Variants in URB1 observed in about 807,000 individuals in gnomAD.
URB1 encodes URB1 ribosome biogenesis factor.
A neutral mutation model predicts 242.3 loss-of-function variants in URB1; 197 were observed. The ratio of observed to expected loss-of-function variants is 0.81; its 90% CI spans 0.72 to 0.91. The LOEUF is 0.91. URB1 is among the 40% of genes least tolerant of loss of function. The pLI, the probability that URB1 is intolerant of heterozygous loss-of-function variation, is 0.00. For synonymous variants in URB1, 1,153 were observed against 1,201.8 expected (o/e 0.96, Z 0.84); for missense variants, 2,721 against 2,860.5 (o/e 0.95, Z 1.11).
At position 32,311,977 on chromosome 21, in the gene URB1, CCT is replaced by C. The variant is rs1189165562; in HGVS notation, c.*2939_*2940del. 6.2e-7 allele frequency: 1 copy of C among 1,613,234 alleles called. No homozygotes were observed. Among genetic ancestry groups the C allele is most frequent in the African/African-American group, 1.3e-5 (1 of 74,940 alleles). ...AGCGAGCCTCCCCCTGGAGACAGGA[CCT>C]CTCAATTGCAGAGCTGATGTCAGTA... On this transcript the variant is annotated 3_prime_UTR_variant, in exon 39 of 39. Transcript: ENST00000382751.
intron 15 of URB1, 22 bp from the exon 16 acceptor site, chr21:32,355,587 T>TG (rs1291421323): frequency 1.3e-6 from 2 of 1,538,024 alleles, no homozygotes; most frequent in Admixed American, 3.9e-5. Context: ...TAGGCACCGG[T>TG]GAAAAAGTCA....
chr21:32,355,986 G>T (rs2033216063), intron 15 of URB1, among the ~76,000 whole-genome samples: 1 of 152,170 alleles, frequency 6.6e-6, no homozygotes, highest in South Asian at 2.1e-4. Flanking sequence ...AGCACGCAGG[G>T]GGTGAAAGTT....
intron 1 of URB1, among the ~76,000 whole-genome samples, chr21:32,392,556 C>A (rs1001624336): frequency 3.9e-5 from 6 of 152,326 alleles, no homozygotes; most frequent in Non-Finnish European, 8.8e-5. Flanking sequence ...ATGAAACGGT[C>A]CCAATCAAGC....
intron 17 of URB1, among the ~76,000 whole-genome samples, chr21:32,354,602 T>C (rs916358619): frequency 9.2e-5 from 14 of 152,256 alleles, no homozygotes; most frequent in Admixed American, 3.3e-4. Flanking sequence ...GCTTATGAGA[T>C]TTACATGAGT....
At chr21:32,325,761 C>T (rs2032822463) in intron 30 of URB1, among the ~76,000 whole-genome samples, 1 of 152,140 alleles carries the variant, frequency 6.6e-6, no homozygotes, top group Non-Finnish European at 1.5e-5. Context: ...AAATCAGTCC[C>T]CAGCTTCCAC....
At chr21:32,336,611 C>T (rs1014863782) in intron 28 of URB1, among the ~76,000 whole-genome samples, 1 of 152,096 alleles carries the variant, frequency 6.6e-6, no homozygotes, top group African/African-American at 2.4e-5. Flanking sequence ...ACTGGGAGCC[C>T]AGGAAAGACA....
chr21:32,354,817 G>A, intron 17 of URB1, 42 bp downstream of exon 17: 1 of 1,533,824 alleles, frequency 6.5e-7, no homozygotes, highest in Non-Finnish European at 8.8e-7. Flanking sequence ...CTGTGGCTTG[G>A]TCTTCAGACC....
At chr21:32,375,210 C>T (rs1274627594) in intron 6 of URB1, among the ~76,000 whole-genome samples, 188 bp downstream of exon 6, 1 of 152,182 alleles carries the variant, frequency 6.6e-6, no homozygotes, top group Non-Finnish European at 1.5e-5. Flanking sequence ...TATTCTTTAA[C>T]CTTCTAGTCC....
rs2032658090 is a variant in URB1 at position 32,314,982 on chromosome 21, C to T, written c.6752G>A (p.Ser2251Asn). The T allele has an allele frequency of 1.3e-6, 2 of 1,551,556 alleles. No homozygotes were observed. Among genetic ancestry groups the T allele is most frequent in the Non-Finnish European group, 1.7e-6 (2 of 1,147,006 alleles). ...MVCEAADDAP[S>N]SEEEAIVVLC... ...CACCACGATGGCCTCCTCTTCACTGCTCGGGGCATCATCTGCGGCCTCACA... is the reference window on the plus strand; with the variant it reads ...CACCACGATGGCCTCCTCTTCACTGTTCGGGGCATCATCTGCGGCCTCACA... The change falls in exon 39 of 39, where the codon AGC becomes AAC. Residue 2251 changes from serine to asparagine, a missense_variant. By Grantham distance (46) the Ser-to-Asn change is conservative (BLOSUM62 1). Transcript: ENST00000382751.
chr21:32,315,721 T>C (rs953664093), intron 38 of URB1, among the ~76,000 whole-genome samples: 3 of 152,224 alleles, frequency 2.0e-5, no homozygotes, highest in African/African-American at 7.2e-5. Context: ...CCCAGAATCA[T>C]TTCCTACCAT....
intron 7 of URB1, 107 bp downstream of exon 7, chr21:32,373,540 A>C (rs2033427482): frequency 2.4e-6 from 3 of 1,259,540 alleles, no homozygotes; most frequent in Non-Finnish European, 3.1e-6. Flanking sequence ...GAAACAGATC[A>C]AATGAGGGGA....
chr21:32,383,617 C>T, intron 3 of URB1, 63 bp from the exon 4 acceptor site: 1 of 1,446,396 alleles, frequency 6.9e-7, no homozygotes, highest in Non-Finnish European at 9.2e-7. Context: ...AGCCGCCTCA[C>T]CACAAAGCCA....
chr21:32,382,469 A>G (rs1368192672), intron 4 of URB1, among the ~76,000 whole-genome samples: 1 of 152,192 alleles, frequency 6.6e-6, no homozygotes, highest in Non-Finnish European at 1.5e-5. Flanking sequence ...ACAGAGCCAT[A>G]AAAGCTACTT....
Position 32,322,506 on chromosome 21 carries a change from T to A in URB1, c.5312A>T (p.Tyr1771Phe), listed in dbSNP as rs913544490. Reference sequence around the variant, plus strand: ...AAAGTCGGAGCTGTAGAAGAACTGGTAGAAGCCTGGCACTTTGTCCATGTT... The same window carrying A: ...AAAGTCGGAGCTGTAGAAGAACTGGAAGAAGCCTGGCACTTTGTCCATGTT... ...YLNMDKVPGF[Y>F]QFFYSSDFEQ... The change falls in exon 33 of 39, where the codon TAC (tyrosine) becomes TTC (phenylalanine). Residue 1771 changes from tyrosine to phenylalanine, a missense_variant. Transcript: ENST00000382751. The A allele has an allele frequency of 1.7e-5, 27 of 1,552,214 alleles. No homozygotes were observed. Among genetic ancestry groups the A allele is most frequent in the Non-Finnish European group, 2.4e-5 (27 of 1,147,140 alleles).
chr21:32,361,928 C>T lies in URB1; in HGVS notation c.1603G>A (p.Asp535Asn), dbSNP rs370698184. 210 of 1,551,496 alleles carry T rather than the reference C, an allele frequency of 1.4e-4. 2 individuals carry two copies. In the Middle Eastern group the frequency reaches 1.9e-3, roughly 14 times the overall value. Residue 535 changes from aspartate (D) to asparagine (N), a missense_variant, in exon 12 of 39, where the codon GAT becomes AAT. Transcript: ENST00000382751. ...GCATCGCAGGCAGCCGGGGGCCCAT[C>T]GCTCCTTTTCTGCCCTTTCTTGTCA... The part of the protein sequence containing the change: ...QDDKKGQKRS[D>N]GPPAACDAHQ...
intron 11 of URB1, among the ~76,000 whole-genome samples, chr21:32,362,918 T>G (rs775978084): frequency 1.3e-5 from 2 of 152,194 alleles, no homozygotes; most frequent in Non-Finnish European, 2.9e-5. Flanking sequence ...ATGTATCGTC[T>G]AAATTCTTAC....
At chr21:32,324,684 G>C (rs918533582) in intron 31 of URB1, 82 bp from the exon 32 acceptor site, 1 of 1,041,878 alleles carries the variant, frequency 9.6e-7, no homozygotes, top group South Asian at 1.4e-5. Context: ...AGCCGAACCA[G>C]GGCTCGGCAG....
At chr21:32,360,089 G>A (rs938878228) in intron 13 of URB1, among the ~76,000 whole-genome samples, 181 bp from the exon 14 acceptor site, 7 of 152,070 alleles carry the variant, frequency 4.6e-5, no homozygotes, top group Non-Finnish European at 7.4e-5. Flanking sequence ...GTACCCCCAC[G>A]CCCTGGTCTG....
intron 4 of URB1, among the ~76,000 whole-genome samples, chr21:32,381,937 CTATAACA>C (rs2033531472): frequency 1.3e-5 from 2 of 152,144 alleles, no homozygotes; most frequent in African/African-American, 4.8e-5. Flanking sequence ...ACTCCATTTC[CTATAACA>C]TATAAGATAT....
Sources: allele counts gnomAD v4.1 joint callset (sites outside exome capture counted in the v4.1 genomes callset), GRCh38; gene constraint gnomAD v4.1.1; transcripts MANE v1.5; gene names NCBI Gene and HGNC (gene_info 2026-07-23, HGNC 2026-07-21).